The following SAXO1 variants were observed in gnomAD, a reference collection of about 807,000 sequenced individuals.
SAXO1 encodes stabilizer of axonemal microtubules 1.
Under a neutral mutation model 17.5 loss-of-function variants are expected in SAXO1, and 21 were observed. That is an observed-to-expected ratio of 1.20 (90% CI 0.85 to 1.72). SAXO1 has a LOEUF of 1.72. Among genes scored for constraint, SAXO1 ranks in the 40% most tolerant of loss-of-function variants. The pLI, the probability that SAXO1 is intolerant of heterozygous loss-of-function variation, is 0.00. For synonymous variants in SAXO1, 274 were observed against 216.5 expected (o/e 1.27, Z -2.33); for missense variants, 843 against 596.0 (o/e 1.41, Z -4.32).
chr9:18,985,998 G>A (rs1051831931), intron 1 of SAXO1, among the ~76,000 whole-genome samples: 1 of 152,164 alleles, frequency 6.6e-6, no homozygotes, highest in Non-Finnish European at 1.5e-5. Context: ...AGTAATCAAA[G>A]CACAATTAGA....
intron 1 of SAXO1, among the ~76,000 whole-genome samples, chr9:18,983,385 C>A (rs533035623): frequency 2.6e-4 from 40 of 152,258 alleles, no homozygotes; most frequent in African/African-American, 9.4e-4. Context: ...CCCCATGATC[C>A]AATTACCTCC....
chr9:18,949,318 C>G (rs1278947982), intron 2 of SAXO1, among the ~76,000 whole-genome samples: 1 of 152,086 alleles, frequency 6.6e-6, no homozygotes, highest in East Asian at 1.9e-4. Context: ...ATTAGTTGGG[C>G]ATGGTGGTCC....
chr9:18,935,729 C>T (rs1030557180), intron 3 of SAXO1, among the ~76,000 whole-genome samples: 1 of 152,212 alleles, frequency 6.6e-6, no homozygotes, highest in African/African-American at 2.4e-5. Context: ...TTGCTTGCCA[C>T]AACTAGCACT....
rs780451760 is a variant in SAXO1, at chr9:18,941,706, C to G, written c.352G>C (p.Asp118His). The change falls in exon 3 of 4, where the codon GAC (aspartate) becomes CAC (histidine). Residue 118 changes from aspartate (D) to histidine (H), a missense_variant. Transcript: ENST00000380534. ...TTACTGTCCCGAGGTTTGATGGGGT[C>G]CACTCGACAGACAGGGTAGGGATTG... ...DYNPYPVCRV[D>H]PIKPRDSKYP... 2.5e-6 allele frequency: 4 copies of G among 1,614,028 alleles called. No individual in the cohort carries two copies. The South Asian group carries it at 4.4e-5, about 18-fold the overall frequency.
At chr9:19,014,771 G>T (rs1472890343) in intron 1 of SAXO1, among the ~76,000 whole-genome samples, 2 of 152,098 alleles carry the variant, frequency 1.3e-5, no homozygotes, top group Admixed American at 1.3e-4. Context: ...CGTTCCTGGG[G>T]AACAACTGAA....
rs145603864 is a variant in SAXO1 at position 18,943,404 on chromosome 9, A to C, written c.219-1565T>G. Among the ~76,000 whole-genome samples the C allele has an allele frequency of 2.0e-3, 300 of 152,382 alleles. 1 individual carries two copies. The highest frequency in any genetic ancestry group is 3.4e-3 in the Non-Finnish European group (233 of 68,034). On this transcript the variant is annotated intron_variant, in intron 2 of 3. Transcript: ENST00000380534. ...TGGACTGAACAAGCAGCCAAGGGTCAGCTCCTACTTCTGCTGTTCTCAGTG... is the reference window on the plus strand; with the variant it reads ...TGGACTGAACAAGCAGCCAAGGGTCCGCTCCTACTTCTGCTGTTCTCAGTG...
chr9:18,929,962 T>C (rs114078743), intron 3 of SAXO1, among the ~76,000 whole-genome samples: 306 of 152,350 alleles, frequency 2.0e-3, no homozygotes, highest in African/African-American at 7.2e-3. Flanking sequence ...ACAATAACCC[T>C]TTGTGATGGG....
At position 18,928,518 on chromosome 9, in the gene SAXO1, T is replaced by C. The variant is rs923478516; in HGVS notation, c.959A>G (p.Gln320Arg). Residue 320 changes from glutamine (Q) to arginine (R), a missense_variant, in exon 4 of 4, where the codon CAG becomes CGG. Physicochemically the swap from Gln to Arg is conservative, Grantham distance 43. Coordinates refer to ENST00000380534, the MANE Select transcript of SAXO1 (RefSeq NM_153707.4). Reference sequence around the variant, plus strand: ...AATCTGAAGTGCAGGTCGGCAGGACTGAGCTGGGGCACCCTTAGGGCATGT... The same window carrying C: ...AATCTGAAGTGCAGGTCGGCAGGACCGAGCTGGGGCACCCTTAGGGCATGT... ...HYTCPKGAPA[Q>R]SCRPALQIKK... 3.1e-6 allele frequency: 5 copies of C among 1,613,880 alleles called. No individual in the cohort carries two copies. Among genetic ancestry groups the C allele is most frequent in the Middle Eastern group, 3.3e-4 (2 of 6,060 alleles).
chr9:18,990,559 G>A (rs1048818989), intron 1 of SAXO1, among the ~76,000 whole-genome samples: 119 of 152,226 alleles, frequency 7.8e-4, no homozygotes, highest in African/African-American at 2.7e-3. Context: ...TGACAAATAT[G>A]ATTTGCTTTA....
chr9:19,005,090 T>G (rs1037594049), intron 1 of SAXO1, among the ~76,000 whole-genome samples: 1 of 152,014 alleles, frequency 6.6e-6, no homozygotes, highest in Non-Finnish European at 1.5e-5. Context: ...AGTGAAAGAC[T>G]TTCACATTCA....
At chr9:19,038,949 A>G (rs2131067537) in intron 1 of SAXO1, among the ~76,000 whole-genome samples, 1 of 152,220 alleles carries the variant, frequency 6.6e-6, no homozygotes, top group South Asian at 2.1e-4. Context: ...TGTTTTCCCT[A>G]AAATTTTTTG....
intron 1 of SAXO1, among the ~76,000 whole-genome samples, chr9:19,040,493 A>C (rs1836052563): frequency 6.6e-6 from 1 of 152,098 alleles, no homozygotes; most frequent in African/African-American, 2.4e-5. Context: ...AAATACAAAA[A>C]ATTAGCCAAG....
At chr9:18,966,702 G>C (rs1287097040) in intron 1 of SAXO1, among the ~76,000 whole-genome samples, 1 of 152,054 alleles carries the variant, frequency 6.6e-6, no homozygotes. Flanking sequence ...CCTTTGTCTT[G>C]GAAGAGTTTG....
chr9:18,985,293 G>T (rs945225342), intron 1 of SAXO1, among the ~76,000 whole-genome samples: 2 of 152,080 alleles, frequency 1.3e-5, no homozygotes, highest in African/African-American at 4.8e-5. Context: ...TAATTAAAAA[G>T]CTTGAAACAG....
At chr9:19,035,282 C>T (rs1457606967), upstream of SAXO1, among the ~76,000 whole-genome samples, 2 of 152,174 alleles carry the variant, frequency 1.3e-5, no homozygotes, top group Non-Finnish European at 2.9e-5. Context: ...CCATACTGCT[C>T]TTATGATAGA....
chr9:18,954,655 A>T (rs1288445025), intron 1 of SAXO1, among the ~76,000 whole-genome samples: 3 of 152,148 alleles, frequency 2.0e-5, no homozygotes, highest in Non-Finnish European at 4.4e-5. Context: ...CAGAATTTTT[A>T]AATTGAAAGG....
intron 1 of SAXO1, among the ~76,000 whole-genome samples, chr9:18,997,256 C>T (rs1834045597): frequency 6.6e-6 from 1 of 152,242 alleles, no homozygotes; most frequent in Non-Finnish European, 1.5e-5. Flanking sequence ...CTGCACTTTT[C>T]CCACAGTCTT....
Position 19,027,226 on chromosome 9 carries a change from C to T in SAXO1, c.38+5645G>A. 5.2e-6 allele frequency: 6 copies of T among 1,161,692 alleles called. No homozygotes were observed. In the South Asian group the frequency reaches 7.3e-5, roughly 14 times the overall value. 72.0% of individuals were successfully genotyped at this position (1,161,692 alleles called of 1,614,324 possible). ...AAGTGTGCTGTGATCAAAACCTCTA[C>T]ACGACAGACATACTTCCTACCTGTG... On this transcript the variant is annotated intron_variant, in intron 1 of 3. Coordinates refer to ENST00000380534, the MANE Select transcript of SAXO1 (RefSeq NM_153707.4).
At chr9:18,976,028 T>G (rs1210735842) in intron 1 of SAXO1, among the ~76,000 whole-genome samples, 1 of 152,062 alleles carries the variant, frequency 6.6e-6, no homozygotes, top group Non-Finnish European at 1.5e-5. Flanking sequence ...CACTGAAAAA[T>G]TATCATCGAA....
Sources: allele counts gnomAD v4.1 joint callset (sites outside exome capture counted in the v4.1 genomes callset), GRCh38; gene constraint gnomAD v4.1.1; transcripts MANE v1.5; gene names NCBI Gene and HGNC (gene_info 2026-07-23, HGNC 2026-07-21).